Variants in UGT1A4 observed in about 807,000 individuals in gnomAD.
The protein encoded by UGT1A4 is UDP glucuronosyltransferase family 1 member A4.
Under a neutral mutation model 41.1 loss-of-function variants are expected in UGT1A4, and 32 were observed. That is an observed-to-expected ratio of 0.78 (90% CI 0.59 to 1.05). UGT1A4 has a LOEUF of 1.05. Among genes scored for constraint, UGT1A4 ranks in the 50% least tolerant of loss-of-function variants. The probability of loss-of-function intolerance (pLI) is 0.00; values close to 1 mark genes in which losing one functional copy is unlikely to be tolerated. For synonymous variants in UGT1A4, 283 were observed against 265.1 expected, an observed-to-expected ratio of 1.07 and a Z score of -0.66; for missense variants, 748 against 677.4, an observed-to-expected ratio of 1.10 and a Z score of -1.16.
chr2:233,745,241 G>C (rs1693049313), intron 1 of UGT1A4, among the ~76,000 whole-genome samples: 1 of 151,840 alleles, frequency 6.6e-6, no homozygotes. Context: ...ACTATTTACT[G>C]TATCGAAACC....
At chr2:233,725,318 G>A (rs538456783) in intron 1 of UGT1A4, among the ~76,000 whole-genome samples, 1 of 74,564 alleles carries the variant, frequency 1.3e-5, no homozygotes, top group South Asian at 5.6e-4. Flanking sequence ...AGGCAGAGGC[G>A]CCTGGTCAAC....
At chr2:233,756,127 T>C (rs1396656487) in intron 1 of UGT1A4, 2 of 152,258 alleles carry the variant, frequency 1.3e-5, no homozygotes, top group African/African-American at 4.8e-5. Context: ...TGTAAAATTC[T>C]CCTGAAAAAT....
intron 1 of UGT1A4, among the ~76,000 whole-genome samples, chr2:233,757,539 T>TATATAC (rs762018928): frequency 5.2e-5 from 6 of 115,748 alleles, no homozygotes; most frequent in African/African-American, 1.5e-4. Flanking sequence ...GTAAGGAATA[T>TATATAC]ATATATATAT....
chr2:233,768,231 A>T lies in UGT1A4; in HGVS notation c.1099A>T (p.Thr367Ser). ...PQNDLLGHPM[T>S]RAFITHAGSH... ...ATTTTGCATCTCAGGTCACCCGATG[A>T]CCCGTGCCTTTATCACCCATGCTGG... The change falls in exon 4 of 5, where the codon ACC (threonine) becomes TCC (serine). Residue 367 changes from threonine to serine, a missense_variant. Physicochemically the swap from Thr to Ser is moderately conservative, Grantham distance 58. Coordinates refer to ENST00000373409, the MANE Select transcript of UGT1A4 (RefSeq NM_007120.3). 1 of 1,614,162 alleles carries T rather than the reference A, an allele frequency of 6.2e-7. No individual in the cohort carries two copies. Among genetic ancestry groups the T allele is most frequent in the Middle Eastern group, 1.6e-4 (1 of 6,062 alleles).
chr2:233,767,641 T>G (rs941477411), intron 2 of UGT1A4, among the ~76,000 whole-genome samples: 5 of 152,170 alleles, frequency 3.3e-5, no homozygotes, highest in African/African-American at 1.2e-4. Flanking sequence ...TATCACAAAT[T>G]CACGTAGTGC....
chr2:233,722,246 G>C (rs1029128389), intron 1 of UGT1A4, among the ~76,000 whole-genome samples: 4 of 152,178 alleles, frequency 2.6e-5, no homozygotes, highest in Non-Finnish European at 4.4e-5. Context: ...TATTATCTGT[G>C]ACAGACACGC....
intron 4 of UGT1A4, among the ~76,000 whole-genome samples, chr2:233,768,995 A>C (rs771127427): frequency 6.6e-6 from 1 of 152,124 alleles, no homozygotes; most frequent in Admixed American, 6.5e-5. Context: ...CCCCCATTAG[A>C]TTTAAAACTC....
intron 1 of UGT1A4, among the ~76,000 whole-genome samples, chr2:233,727,137 A>T (rs1221662096): frequency 6.6e-6 from 1 of 152,174 alleles, no homozygotes; most frequent in Non-Finnish European, 1.5e-5. Context: ...GGGGAACAAG[A>T]CCACACAGGT....
intron 1 of UGT1A4, among the ~76,000 whole-genome samples, chr2:233,721,322 G>C (rs1265391747): frequency 6.6e-6 from 1 of 152,066 alleles, no homozygotes; most frequent in Non-Finnish European, 1.5e-5. Context: ...CTCTTTTCTT[G>C]TGGTTTTTCA....
chr2:233,733,807 A>T (rs898855226), intron 1 of UGT1A4, among the ~76,000 whole-genome samples: 3 of 152,292 alleles, frequency 2.0e-5, no homozygotes, highest in Admixed American at 6.5e-5. Context: ...TATCAGGATG[A>T]TGCTGGCCTC....
chr2:233,729,440 A>G (rs2077859052), intron 1 of UGT1A4: 2 of 1,613,960 alleles, frequency 1.2e-6, no homozygotes, highest in Non-Finnish European at 1.7e-6. Context: ...GAAACAGAAC[A>G]TTTTCTGAAG....
intron 1 of UGT1A4, among the ~76,000 whole-genome samples, chr2:233,759,866 G>A (rs1362136524): frequency 6.6e-6 from 1 of 152,108 alleles, no homozygotes; most frequent in African/African-American, 2.4e-5. Flanking sequence ...CGAAAGCGGG[G>A]GTACAGTTGT....
rs1022651903 is a variant in UGT1A4, at chr2:233,768,540, A to G, written c.1307+101A>G. ...CGTAGCATTTAATAGCGTTGTTTCA[A>G]ATATAAAAACAAATACATAAAAATC... On this transcript the variant is annotated intron_variant, in intron 4 of 4. Transcript: ENST00000373409. The G allele has an allele frequency of 7.3e-6, 11 of 1,497,966 alleles. No individual in the cohort carries two copies. The African/African-American group carries it at 1.4e-4, about 19-fold the overall frequency. The allele number at this position is 1,497,966 out of a possible 1,614,324, so 92.8% of individuals were successfully genotyped here.
rs542057655 is a variant in UGT1A4 at position 233,743,464 on chromosome 2, C to G, written c.868-23570C>G. The G allele has an allele frequency of 3.7e-5, 50 of 1,366,536 alleles. No individual in the cohort carries two copies. The South Asian group carries it at 5.6e-4, about 15-fold the overall frequency. The allele number at this position is 1,366,536 out of a possible 1,614,324, so 84.7% of individuals were successfully genotyped here. A position where few individuals can be genotyped will look rare whatever the true frequency, so the allele number is the denominator to read the frequency against. On this transcript the variant is annotated intron_variant, in intron 1 of 4. Coordinates refer to ENST00000373409, the MANE Select transcript of UGT1A4 (RefSeq NM_007120.3). ...TGTATCAAAAGAAGAAAAAACACCC[C>G]CAAAAGCTGGAAATTCACTGAAGGC...
rs1699273514 is a variant in UGT1A4, at chr2:233,766,902, T to A, written c.868-132T>A. Reference sequence around the variant, plus strand: ...CTGTAAAACTTACATATTAATAATTTTTTACTCTATCTCAAACACGCATGC... The same window carrying A: ...CTGTAAAACTTACATATTAATAATTATTTACTCTATCTCAAACACGCATGC... On this transcript the variant is annotated intron_variant, in intron 1 of 4. Coordinates refer to ENST00000373409, the MANE Select transcript of UGT1A4 (RefSeq NM_007120.3). 3.3e-6 allele frequency: 5 copies of A among 1,493,272 alleles called. No individual in the cohort carries two copies. The South Asian group carries it at 6.7e-5, about 20-fold the overall frequency. The allele number at this position is 1,493,272 out of a possible 1,614,324, so 92.5% of individuals were successfully genotyped here.
intron 1 of UGT1A4, 131 bp downstream of exon 1, chr2:233,719,818 A>G: frequency 6.3e-7 from 1 of 1,577,544 alleles, no homozygotes; most frequent in Non-Finnish European, 8.6e-7. Flanking sequence ...ATAACAGATA[A>G]ACTGTTGAGG....
At chr2:233,751,100 G>T (rs895970679) in intron 1 of UGT1A4, among the ~76,000 whole-genome samples, 1 of 151,922 alleles carries the variant, frequency 6.6e-6, no homozygotes, top group Non-Finnish European at 1.5e-5. Flanking sequence ...GGAGGGCTTT[G>T]CCCTGCAAGC....
At chr2:233,742,194 T>G (rs1691905587) in intron 1 of UGT1A4, among the ~76,000 whole-genome samples, 1 of 151,838 alleles carries the variant, frequency 6.6e-6, no homozygotes. Context: ...GAGTGGGAAA[T>G]CAGGGGACTC....
At position 233,747,166 on chromosome 2, in the gene UGT1A4, G is replaced by C. The variant is rs1272270999; in HGVS notation, c.868-19868G>C. The C allele has an allele frequency of 9.4e-6, 15 of 1,592,462 alleles. No individual in the cohort carries two copies. In the East Asian group the frequency reaches 2.9e-4, roughly 31 times the overall value. On this transcript the variant is annotated intron_variant, in intron 1 of 4. Coordinates refer to ENST00000373409, the MANE Select transcript of UGT1A4 (RefSeq NM_007120.3). ...ATTAAGATGAAGAAAACAAATGTAG[G>C]AGGCACAGCGTGGGGTGGACAGTCA...
Sources: gnomAD v4.1 joint callset for allele counts (sites outside exome capture counted in the v4.1 genomes callset) on GRCh38, gnomAD v4.1.1 for gene constraint, MANE v1.5 for transcripts, NCBI Gene and HGNC (gene_info 2026-07-23, HGNC 2026-07-21) for gene names.